The following CPNE4 variants were observed in gnomAD, a reference collection of about 807,000 sequenced individuals.
The protein encoded by CPNE4 is copine-4.
In CPNE4, 25 loss-of-function variants were observed where a neutral mutation model predicts 67.9. The observed-to-expected ratio is 0.37, with a 90% CI of 0.27 to 0.51. The LOEUF is 0.51. Ranked by LOEUF, CPNE4 falls within the 20% of genes least tolerant of loss-of-function variation. CPNE4 has a pLI of 0.93. For synonymous variants in CPNE4, 242 were observed against 244.9 expected (o/e 0.99, Z 0.11); for missense variants, 464 against 690.8 (o/e 0.67, Z 3.68).
At chr3:131,732,065 C>T (rs1472306039) in intron 2 of CPNE4, among the ~76,000 whole-genome samples, 1 of 152,128 alleles carries the variant, frequency 6.6e-6, no homozygotes, top group African/African-American at 2.4e-5. Context: ...ATACTATATT[C>T]CAACTGTTAT....
chr3:131,834,676 A>G (rs1262312860), intron 2 of CPNE4, among the ~76,000 whole-genome samples: 2 of 152,186 alleles, frequency 1.3e-5, no homozygotes, highest in Non-Finnish European at 2.9e-5. Context: ...ATAAAACTAA[A>G]GTCTTAACTG....
chr3:131,626,990 C>T (rs75896585), intron 7 of CPNE4, among the ~76,000 whole-genome samples: 1 of 151,904 alleles, frequency 6.6e-6, no homozygotes, highest in East Asian at 1.9e-4. Context: ...GTCAGGAGTT[C>T]GAGACCAGCC....
At chr3:131,753,876 ATTT>A (rs950773798) in intron 2 of CPNE4, among the ~76,000 whole-genome samples, 1 of 151,700 alleles carries the variant, frequency 6.6e-6, no homozygotes, top group Non-Finnish European at 1.5e-5. Flanking sequence ...TCTACTTTAA[ATTT>A]TTTTTTAAAT....
chr3:131,897,176 G>A (rs1164645800), intron 2 of CPNE4, among the ~76,000 whole-genome samples: 1 of 152,032 alleles, frequency 6.6e-6, no homozygotes, highest in Non-Finnish European at 1.5e-5. Flanking sequence ...ACAGAGAACT[G>A]GATGAGAGAG....
chr3:131,820,309 T>C (rs1466723701), intron 2 of CPNE4, among the ~76,000 whole-genome samples: 1 of 152,202 alleles, frequency 6.6e-6, no homozygotes, highest in Non-Finnish European at 1.5e-5. Context: ...GCCTAATCTC[T>C]TGGGAAGTTC....
chr3:131,602,479 C>G (rs1366862101), intron 7 of CPNE4, among the ~76,000 whole-genome samples: 1 of 152,146 alleles, frequency 6.6e-6, no homozygotes, highest in South Asian at 2.1e-4. Context: ...TCACACATCC[C>G]TGCTCTTCTG....
At chr3:131,900,253 A>C (rs894624382) in intron 2 of CPNE4, among the ~76,000 whole-genome samples, 8 of 131,150 alleles carry the variant, frequency 6.1e-5, no homozygotes, top group African/African-American at 1.9e-4. Flanking sequence ...GCTCAACATC[A>C]CTGATCATCA....
In CPNE4 at chr3:131,868,775, T is replaced by A. The variant is rs563905559; in HGVS notation, c.180+36489A>T. On this transcript the variant is annotated intron_variant, in intron 2 of 15. Transcript: ENST00000429747. ...CAGGTGTAAGCTGAAAGACAAACCCTAATGGAACATCCATCAGTGATTAGA... is the reference window on the plus strand; with the variant it reads ...CAGGTGTAAGCTGAAAGACAAACCCAAATGGAACATCCATCAGTGATTAGA... 7.5e-4 allele frequency among the ~76,000 whole-genome samples: 114 copies of A among 152,262 alleles called. 5 individuals are homozygous for A. In the South Asian group the frequency reaches 0.023, roughly 31 times the overall value.
chr3:131,821,551 T>G (rs1026256565), intron 2 of CPNE4, among the ~76,000 whole-genome samples: 2 of 152,206 alleles, frequency 1.3e-5, no homozygotes, highest in African/African-American at 4.8e-5. Flanking sequence ...CTGCCACAGC[T>G]ATATCAGGAA....
At chr3:131,670,407 A>G (rs2080379183) in intron 6 of CPNE4, among the ~76,000 whole-genome samples, 1 of 152,226 alleles carries the variant, frequency 6.6e-6, no homozygotes, top group African/African-American at 2.4e-5. Flanking sequence ...AACCCTTTTA[A>G]AACCACTTTA....
In CPNE4 at chr3:131,844,261, T is replaced by C. The variant is rs1583310317; in HGVS notation, c.180+61003A>G. Among the ~76,000 whole-genome samples the C allele has an allele frequency of 2.2e-5, 3 of 136,368 alleles. No individual in the cohort carries two copies. In the South Asian group the frequency reaches 7.9e-4, roughly 36 times the overall value. 89.5% of individuals were successfully genotyped at this position (136,368 alleles called of 152,430 possible). ...TAGCCCAAGAATCTCTGTATGTTCT[T>C]TTTTTTTTTTTTTTTCCGAGATGGA... On this transcript the variant is annotated intron_variant, in intron 2 of 15. Coordinates refer to ENST00000429747, the MANE Select transcript of CPNE4 (RefSeq NM_130808.3).
At chr3:131,816,225 A>G (rs771099728) in intron 2 of CPNE4, among the ~76,000 whole-genome samples, 1 of 152,214 alleles carries the variant, frequency 6.6e-6, no homozygotes, top group Non-Finnish European at 1.5e-5. Flanking sequence ...ATAGGTTTTA[A>G]TATGTCCAGG....
upstream of CPNE4, among the ~76,000 whole-genome samples, chr3:132,036,044 ACCC>A (rs1286308075): frequency 1.3e-5 from 2 of 151,734 alleles, no homozygotes; most frequent in Non-Finnish European, 2.9e-5. Context: ...AAGGAGGAAG[ACCC>A]CCTCTTAATT....
At chr3:131,670,303 C>T (rs1214930824) in intron 6 of CPNE4, among the ~76,000 whole-genome samples, 1 of 152,150 alleles carries the variant, frequency 6.6e-6, no homozygotes, top group Non-Finnish European at 1.5e-5. Flanking sequence ...CAGGACCATA[C>T]TTATACTAGC....
rs1402383077 is a variant in CPNE4, at chr3:131,668,248, G to A, written c.681+1427C>T. 2.6e-5 allele frequency among the ~76,000 whole-genome samples: 4 copies of A among 152,172 alleles called. No individual in the cohort carries two copies. In the East Asian group the frequency reaches 7.7e-4, roughly 29 times the overall value. On this transcript the variant is annotated intron_variant, in intron 7 of 15. Transcript: ENST00000429747. ...AGCTTGAGATTAACCAATCAGATGG[G>A]ATTCTAACCTGACAGATCATATCAA...
chr3:131,840,377 G>T (rs2085728676), intron 2 of CPNE4, among the ~76,000 whole-genome samples: 1 of 152,176 alleles, frequency 6.6e-6, no homozygotes, highest in African/African-American at 2.4e-5. Flanking sequence ...TTGGCTAAAT[G>T]CCAGCCTCAG....
chr3:131,564,224 G>A lies in CPNE4; in HGVS notation c.1053C>T (p.Asp351=), dbSNP rs958918798. Residue 351 remains aspartate, a synonymous_variant, in exon 11 of 16, where the codon GAC becomes GAT. Transcript: ENST00000429747. The part of the protein sequence containing the change: ...ALVAVGEICQ[D]YDSDKMFPAF... Reference sequence around the variant, plus strand: ...GTCCTGAAGCCTCTTACCTGTCATAGTCTTGGCAAATCTCCCCCACAGCTA... The same window carrying A: ...GTCCTGAAGCCTCTTACCTGTCATAATCTTGGCAAATCTCCCCCACAGCTA... 5 of 1,612,856 alleles carry A rather than the reference G, an allele frequency of 3.1e-6. No homozygotes were observed. Among genetic ancestry groups the A allele is most frequent in the Non-Finnish European group, 4.2e-6 (5 of 1,179,168 alleles).
intron 7 of CPNE4, among the ~76,000 whole-genome samples, chr3:131,663,488 T>A (rs1022943010): frequency 6.6e-6 from 1 of 150,508 alleles, no homozygotes; most frequent in Admixed American, 6.6e-5. Context: ...AAACGTAAAT[T>A]AAAAAAAATA....
intron 1 of CPNE4, among the ~76,000 whole-genome samples, chr3:132,020,809 C>T (rs904690056): frequency 7.9e-5 from 12 of 152,162 alleles, no homozygotes; most frequent in African/African-American, 2.4e-4. Flanking sequence ...ACCCTAGCCC[C>T]GCACAGCTGG....
Sources: gnomAD v4.1 joint callset for allele counts (sites outside exome capture counted in the v4.1 genomes callset) on GRCh38, gnomAD v4.1.1 for gene constraint, MANE v1.5 for transcripts, NCBI Gene and HGNC (gene_info 2026-07-23, HGNC 2026-07-21) for gene names.